The following FGF12 variants were observed in gnomAD, a reference collection of about 807,000 sequenced individuals.
FGF12 encodes the protein fibroblast growth factor 12B.
FGF12 carries 14 observed loss-of-function variants against 23.6 expected under a neutral mutation model. The ratio of observed to expected loss-of-function variants is 0.59; its 90% CI spans 0.39 to 0.93. The LOEUF (loss-of-function observed/expected upper bound fraction) is 0.93, where lower values mean the gene tolerates loss of function less well. FGF12 is among the 40% of genes least tolerant of loss of function. The pLI is 0.00. For missense variants in FGF12, 175 were observed against 217.8 expected (o/e 0.80, Z 1.24); for synonymous variants, 62 against 77.3 (o/e 0.80, Z 1.04).
intron 4 of FGF12, among the ~76,000 whole-genome samples, chr3:192,294,182 G>C (rs2108652641): frequency 6.6e-6 from 1 of 152,092 alleles, no homozygotes; most frequent in Non-Finnish European, 1.5e-5. Context: ...TGATCATGAG[G>C]CCTCCCCAGC....
At chr3:192,620,494 C>T (rs138192270) in intron 2 of FGF12, among the ~76,000 whole-genome samples, 485 of 152,220 alleles carry the variant, frequency 3.2e-3, no homozygotes, top group Non-Finnish European at 5.4e-3. Flanking sequence ...AAAAACTATA[C>T]GGTAGGAAAA....
chr3:192,396,401 C>T (rs1330172550), intron 2 of FGF12, among the ~76,000 whole-genome samples: 1 of 152,174 alleles, frequency 6.6e-6, no homozygotes, highest in Non-Finnish European at 1.5e-5. Context: ...TTATATTGCT[C>T]CAGACACAGA....
At chr3:192,463,048 A>T (rs1722908151) in intron 2 of FGF12, among the ~76,000 whole-genome samples, 1 of 152,178 alleles carries the variant, frequency 6.6e-6, no homozygotes, top group African/African-American at 2.4e-5. Flanking sequence ...CCAGGTATAG[A>T]GGAGGGAAAA....
At chr3:192,324,062 A>G (rs1716688431) in intron 4 of FGF12, among the ~76,000 whole-genome samples, 1 of 152,150 alleles carries the variant, frequency 6.6e-6, no homozygotes, top group Non-Finnish European at 1.5e-5. Flanking sequence ...ACCGCATGCC[A>G]GCCTGGGCGA....
intron 2 of FGF12, among the ~76,000 whole-genome samples, chr3:192,454,520 A>C (rs1722621775): frequency 6.6e-6 from 1 of 152,204 alleles, no homozygotes. Context: ...AAATAATTGA[A>C]AAGTACAAGG....
Position 192,525,637 on chromosome 3 carries a change from C to T in FGF12, c.14-165099G>A, listed in dbSNP as rs144613769. On this transcript the variant is annotated intron_variant, in intron 2 of 5. Transcript: ENST00000445105. ...ACTTAAGTCCCTAAAGAATGTGGCT[C>T]TTCAGAAACTTTTCATTGTATTGAA... Among the ~76,000 whole-genome samples, 1,095 of 152,284 alleles carry T rather than the reference C, an allele frequency of 7.2e-3. 13 individuals are homozygous for T. Among genetic ancestry groups the T allele is most frequent in the African/African-American group, 0.025 (1,036 of 41,554 alleles).
chr3:192,547,057 A>T (rs561898085), intron 2 of FGF12, among the ~76,000 whole-genome samples: 15 of 152,178 alleles, frequency 9.9e-5, no homozygotes, highest in Admixed American at 3.3e-4. Context: ...TCTCAAAAAA[A>T]CAATAGTGGG....
chr3:192,428,591 G>T (rs1273653278), intron 2 of FGF12, among the ~76,000 whole-genome samples: 5 of 152,180 alleles, frequency 3.3e-5, no homozygotes, highest in Non-Finnish European at 5.9e-5. Context: ...CTTCTCTTGG[G>T]TTCTCATAAT....
chr3:192,236,967 G>A (rs755825785), intron 4 of FGF12, among the ~76,000 whole-genome samples: 3 of 152,094 alleles, frequency 2.0e-5, no homozygotes, highest in Admixed American at 6.6e-5. Flanking sequence ...GTGGTGGCAG[G>A]TAATCATCTC....
At chr3:192,483,485 T>C (rs188033286) in intron 2 of FGF12, among the ~76,000 whole-genome samples, 219 of 152,328 alleles carry the variant, frequency 1.4e-3, no homozygotes, top group Non-Finnish European at 2.3e-3. Context: ...GAATTATGCC[T>C]GATACGGTTT....
chr3:192,164,799 C>CA (rs1303062740), intron 5 of FGF12, among the ~76,000 whole-genome samples: 2 of 152,214 alleles, frequency 1.3e-5, no homozygotes, highest in Non-Finnish European at 2.9e-5. Context: ...ACATTACAAA[C>CA]AAAATAGTCA....
intron 2 of FGF12, among the ~76,000 whole-genome samples, chr3:192,608,438 C>A (rs1026110374): frequency 5.3e-5 from 8 of 152,082 alleles, no homozygotes; most frequent in African/African-American, 1.4e-4. Context: ...CTACAATATA[C>A]CTACAAAAAT....
chr3:192,378,027 TTTCTTTC>T (rs1476632993), intron 2 of FGF12, among the ~76,000 whole-genome samples: 1 of 7,584 alleles, frequency 1.3e-4, no homozygotes, highest in African/African-American at 9.8e-4. Flanking sequence ...GACTCTTTCT[TTTCTTTC>T]TTTCTTTCTT....
At chr3:192,156,698 G>T (rs757887333) in intron 5 of FGF12, among the ~76,000 whole-genome samples, 9 of 152,142 alleles carry the variant, frequency 5.9e-5, no homozygotes, top group African/African-American at 9.7e-5. Context: ...AGTAGGAAAA[G>T]AAATATTTGC....
At chr3:192,158,358 C>CTT (rs1221823946) in intron 5 of FGF12, among the ~76,000 whole-genome samples, 2 of 110,826 alleles carry the variant, frequency 1.8e-5, no homozygotes, top group African/African-American at 7.7e-5. Flanking sequence ...TTCTTTCTTT[C>CTT]TTTCTTTCTT....
chr3:192,310,881 C>A (rs7641260), intron 4 of FGF12, among the ~76,000 whole-genome samples: 1 of 151,874 alleles, frequency 6.6e-6, no homozygotes, highest in South Asian at 2.1e-4. Flanking sequence ...AGCTTCACAA[C>A]GAAAACATGG....
At chr3:192,355,812 A>C in intron 3 of FGF12, among the ~76,000 whole-genome samples, 1 of 152,248 alleles carries the variant, frequency 6.6e-6, no homozygotes, top group Non-Finnish European at 1.5e-5. Flanking sequence ...CACCCACATA[A>C]TCTAGGACAG....
chr3:192,720,574 G>A (rs189570306), intron 2 of FGF12, among the ~76,000 whole-genome samples: 149 of 152,290 alleles, frequency 9.8e-4, no homozygotes, highest in Non-Finnish European at 1.8e-3. Flanking sequence ...ATGATGCTGG[G>A]GAAAATGGCA....
chr3:192,649,236 AGAGG>A lies in FGF12; in HGVS notation c.13+77941_13+77944del. The stretch of plus-strand genomic sequence containing the variant: ...TTTCACCTATCCCTTATCCAACAGT[AGAGG>A]ATTGATCGCCACAGCCAAAACCTCA... On this transcript the variant is annotated intron_variant, in intron 2 of 5. Transcript: ENST00000445105. Among the ~76,000 whole-genome samples the A allele has an allele frequency of 1.3e-5, 2 of 152,284 alleles. 1 individual carries two copies. Among genetic ancestry groups the A allele is most frequent in the South Asian group, 4.1e-4 (2 of 4,822 alleles).
Sources: gnomAD v4.1 joint callset for allele counts (sites outside exome capture counted in the v4.1 genomes callset) on GRCh38, gnomAD v4.1.1 for gene constraint, MANE v1.5 for transcripts, NCBI Gene and HGNC (gene_info 2026-07-23, HGNC 2026-07-21) for gene names.